PLCB1: variants seen among roughly 807,000 people sequenced by gnomAD.
The protein encoded by PLCB1 is 1-phosphatidylinositol 4,5-bisphosphate phosphodiesterase beta-1.
In PLCB1, 46 loss-of-function variants were observed where a neutral mutation model predicts 161.8. The observed-to-expected ratio is 0.28, with a 90% confidence interval of 0.22 to 0.36. PLCB1 has a LOEUF of 0.36. PLCB1 is among the 10% of genes least tolerant of loss of function. PLCB1 has a pLI of 1.00. For missense variants in PLCB1, 1,016 were observed against 1,472.5 expected (o/e 0.69, Z 5.07); for synonymous variants, 517 against 503.7 (o/e 1.03, Z -0.35).
intron 3 of PLCB1, among the ~76,000 whole-genome samples, chr20:8,458,645 C>A (rs1038634183): frequency 1.3e-5 from 2 of 152,134 alleles, no homozygotes; most frequent in Admixed American, 1.3e-4. Context: ...TTTCAAAATC[C>A]ATTTTTATCG....
chr20:8,292,995 T>G (rs1401151868), intron 2 of PLCB1, among the ~76,000 whole-genome samples: 1 of 152,156 alleles, frequency 6.6e-6, no homozygotes, highest in African/African-American at 2.4e-5. Context: ...CTTATCACTT[T>G]AAAGTGTTAT....
At chr20:8,169,060 T>G (rs2051705744) in intron 2 of PLCB1, among the ~76,000 whole-genome samples, 2 of 151,952 alleles carry the variant, frequency 1.3e-5, no homozygotes, top group East Asian at 3.9e-4. Context: ...TTTAGCTGAG[T>G]GTGCTCTTGG....
chr20:8,201,950 C>T (rs2052095708), intron 2 of PLCB1, among the ~76,000 whole-genome samples: 3 of 152,096 alleles, frequency 2.0e-5, no homozygotes, highest in South Asian at 4.1e-4. Context: ...CTTCTTGATT[C>T]CTGCTTATAT....
chr20:8,476,709 A>G lies in PLCB1; in HGVS notation c.246+105259A>G, dbSNP rs1457955693. On this transcript the variant is annotated intron_variant, in intron 3 of 31. Coordinates refer to ENST00000338037, the MANE Select transcript of PLCB1 (RefSeq NM_015192.4). ...AGGGATTGAAATTTTCCTTTTCTTA[A>G]AAGATCTTAGAGAAGGTGGATACAG... Among the ~76,000 whole-genome samples the G allele has an allele frequency of 2.0e-5, 3 of 152,228 alleles. No individual in the cohort carries two copies. In the East Asian group the frequency reaches 5.8e-4, roughly 29 times the overall value.
intron 31 of PLCB1, among the ~76,000 whole-genome samples, chr20:8,876,090 A>C (rs1987770956): frequency 6.6e-6 from 1 of 152,184 alleles, no homozygotes; most frequent in South Asian, 2.1e-4. Flanking sequence ...CAGAGTTCAC[A>C]AAAATGACTA....
chr20:8,791,897 A>G (rs4053148), intron 31 of PLCB1, among the ~76,000 whole-genome samples: 137,204 of 152,192 alleles, frequency 0.9, 62,557 homozygotes, highest in East Asian at 1. Context: ...TGATTTATTA[A>G]CAGTCAGGGT....
intron 31 of PLCB1, among the ~76,000 whole-genome samples, chr20:8,797,841 A>C (rs1984101485): frequency 6.6e-6 from 1 of 152,186 alleles, no homozygotes; most frequent in African/African-American, 2.4e-5. Context: ...TTCTAGGTTC[A>C]ATGTCCCCTT....
At chr20:8,629,871 TTCTTTC>T (rs778395666) in intron 4 of PLCB1, among the ~76,000 whole-genome samples, 9,751 of 94,462 alleles carry the variant, frequency 0.1, 703 homozygotes, top group Admixed American at 0.15. Context: ...CTTTCTTTCT[TTCTTTC>T]TCTCTCTCTT....
chr20:8,465,795 A>G lies in PLCB1; in HGVS notation c.246+94345A>G, dbSNP rs569214584. ...TGAGATACCATCTCACACCAGTTAGAATGGCAATCATTAAAAAGTCAGGAA... is the reference window on the plus strand; with the variant it reads ...TGAGATACCATCTCACACCAGTTAGGATGGCAATCATTAAAAAGTCAGGAA... On this transcript the variant is annotated intron_variant, in intron 3 of 31. Coordinates refer to ENST00000338037, the MANE Select transcript of PLCB1 (RefSeq NM_015192.4). Among the ~76,000 whole-genome samples, 341 of 151,374 alleles carry G rather than the reference A, an allele frequency of 2.3e-3. 3 individuals are homozygous for G. Among genetic ancestry groups the G allele is most frequent in the African/African-American group, 7.8e-3 (321 of 41,200 alleles).
At chr20:8,779,067 G>A (rs1436688957) in intron 27 of PLCB1, among the ~76,000 whole-genome samples, 4 of 152,124 alleles carry the variant, frequency 2.6e-5, no homozygotes, top group Non-Finnish European at 5.9e-5. Flanking sequence ...AGAAGTATTT[G>A]GGTGATGAGG....
chr20:8,246,718 A>G (rs931506909), intron 2 of PLCB1, among the ~76,000 whole-genome samples: 1 of 151,880 alleles, frequency 6.6e-6, no homozygotes. Flanking sequence ...TATTATTACT[A>G]TGTAAGTATG....
intron 2 of PLCB1, among the ~76,000 whole-genome samples, chr20:8,191,995 G>C (rs2051975396): frequency 6.6e-6 from 1 of 151,912 alleles, no homozygotes; most frequent in Admixed American, 6.6e-5. Flanking sequence ...TTGGATTTCT[G>C]GTTTTCAGTA....
intron 9 of PLCB1, among the ~76,000 whole-genome samples, chr20:8,678,458 G>T (rs1353331307): frequency 6.6e-6 from 1 of 152,184 alleles, no homozygotes; most frequent in Non-Finnish European, 1.5e-5. Flanking sequence ...ATTTGAAGGT[G>T]TTTGCTTCTA....
intron 9 of PLCB1, among the ~76,000 whole-genome samples, chr20:8,673,467 C>T (rs1329948937): frequency 6.6e-6 from 1 of 152,198 alleles, no homozygotes; most frequent in Non-Finnish European, 1.5e-5. Flanking sequence ...AAGGATAAAA[C>T]TTTCAATCTC....
chr20:8,221,831 G>A (rs1979428277), intron 2 of PLCB1, among the ~76,000 whole-genome samples: 1 of 152,082 alleles, frequency 6.6e-6, no homozygotes, highest in African/African-American at 2.4e-5. Context: ...ATATTCCATA[G>A]CCCTGTACAT....
intron 18 of PLCB1, among the ~76,000 whole-genome samples, chr20:8,731,420 C>T (rs552918402): frequency 2.4e-4 from 37 of 151,820 alleles, no homozygotes; most frequent in African/African-American, 7.9e-4. Flanking sequence ...CAGGTCTTAA[C>T]GTCTTCTATC....
chr20:8,467,147 G>A (rs1445819923), intron 3 of PLCB1, among the ~76,000 whole-genome samples: 1 of 151,944 alleles, frequency 6.6e-6, no homozygotes, highest in African/African-American at 2.4e-5. Context: ...CACTATGTTG[G>A]CCAGGCTGGT....
At chr20:8,734,782 A>G (rs1270118278) in intron 19 of PLCB1, among the ~76,000 whole-genome samples, 2 of 152,222 alleles carry the variant, frequency 1.3e-5, no homozygotes, top group South Asian at 2.1e-4. Flanking sequence ...TAACTGAATA[A>G]CTATAGAACT....
intron 2 of PLCB1, among the ~76,000 whole-genome samples, chr20:8,295,299 TACAC>T (rs1228866586): frequency 6.6e-6 from 1 of 152,204 alleles, no homozygotes; most frequent in Admixed American, 6.6e-5. Context: ...AAATGTGTGA[TACAC>T]ATATTGCTGA....
Sources: gnomAD v4.1 joint callset for allele counts (sites outside exome capture counted in the v4.1 genomes callset) on GRCh38, gnomAD v4.1.1 for gene constraint, MANE v1.5 for transcripts, NCBI Gene and HGNC (gene_info 2026-07-23, HGNC 2026-07-21) for gene names.